SPAST: variants seen among roughly 807,000 people sequenced by gnomAD.
SPAST encodes the protein spastic paraplegia 4 (autosomal dominant; spastin).
SPAST carries 30 observed loss-of-function variants against 76.6 expected under a neutral mutation model. That is an observed-to-expected ratio of 0.39 (90% CI 0.29 to 0.53). The LOEUF is 0.53. SPAST is among the 20% of genes least tolerant of loss of function. The pLI is 0.68. For missense variants in SPAST, 717 were observed against 770.5 expected (o/e 0.93, Z 0.82); for synonymous variants, 305 against 281.0 (o/e 1.09, Z -0.86).
At chr2:32,084,066 C>T (rs996376598) in intron 1 of SPAST, among the ~76,000 whole-genome samples, 2 of 151,610 alleles carry the variant, frequency 1.3e-5, no homozygotes, top group African/African-American at 4.8e-5. Flanking sequence ...AGGCATGACC[C>T]ACCGTGCCCA....
intron 15 of SPAST, among the ~76,000 whole-genome samples, chr2:32,145,840 C>G (rs542534633): frequency 2.6e-4 from 40 of 152,310 alleles, no homozygotes; most frequent in Middle Eastern, 3.4e-3. Flanking sequence ...GGTATGCACT[C>G]AGATTATTAG....
chr2:32,154,580 C>G lies in SPAST; in HGVS notation c.*84C>G. 7.0e-7 allele frequency: 1 copy of G among 1,421,558 alleles called. No homozygotes were observed. Among genetic ancestry groups the G allele is most frequent in the South Asian group, 1.2e-5 (1 of 86,036 alleles). 88.1% of individuals were successfully genotyped at this position (1,421,558 alleles called of 1,614,324 possible). On this transcript the variant is annotated 3_prime_UTR_variant, in exon 17 of 17. Transcript: ENST00000315285. ...CAATGAACGTCATCGGCTACAGAAA[C>G]AGCCTAAGTTTACAGGACTTTTTAG...
At chr2:32,084,292 C>T (rs1266591229) in intron 1 of SPAST, among the ~76,000 whole-genome samples, 3 of 151,744 alleles carry the variant, frequency 2.0e-5, no homozygotes, top group African/African-American at 7.3e-5. Context: ...TCCGGAGTAG[C>T]TGGGACTACA....
At chr2:32,083,766 A>ATTTTTT (rs1573062035) in intron 1 of SPAST, among the ~76,000 whole-genome samples, 15 of 48,436 alleles carry the variant, frequency 3.1e-4, no homozygotes, top group Non-Finnish European at 5.2e-4. Context: ...ATATATATAT[A>ATTTTTT]TATATATATA....
intron 4 of SPAST, among the ~76,000 whole-genome samples, chr2:32,111,450 A>C (rs1007405960): frequency 4.5e-4 from 66 of 147,112 alleles, no homozygotes; most frequent in Non-Finnish European, 8.1e-4. Flanking sequence ...TATACTGTAT[A>C]GTATATAGAG....
intron 10 of SPAST, 83 bp downstream of exon 10, chr2:32,136,721 A>C (rs1679548093): frequency 5.2e-6 from 7 of 1,348,676 alleles, no homozygotes; most frequent in Middle Eastern, 3.8e-4. Context: ...TGGAAACATT[A>C]TTCAGAAGGA....
At chr2:32,083,936 G>A (rs928460385) in intron 1 of SPAST, among the ~76,000 whole-genome samples, 1 of 149,796 alleles carries the variant, frequency 6.7e-6, no homozygotes, top group African/African-American at 2.5e-5. Context: ...ATGCCACCAT[G>A]CCCGGCTAAT....
At chr2:32,142,013 T>A in intron 13 of SPAST, 67 bp downstream of exon 13, 1 of 1,196,220 alleles carries the variant, frequency 8.4e-7, no homozygotes, top group Non-Finnish European at 1.2e-6. Flanking sequence ...TTGACAATAT[T>A]AAGTCTTCCA....
intron 1 of SPAST, among the ~76,000 whole-genome samples, chr2:32,068,860 A>G (rs1676631283): frequency 6.9e-6 from 1 of 145,352 alleles, no homozygotes; most frequent in African/African-American, 2.6e-5. Context: ...CACCCATTGC[A>G]CTCCTGCCTG....
chr2:32,115,010 G>A (rs557796532), intron 5 of SPAST, among the ~76,000 whole-genome samples, 185 bp downstream of exon 5: 28 of 145,568 alleles, frequency 1.9e-4, no homozygotes, highest in African/African-American at 7.1e-4. Context: ...GTGCAATGGC[G>A]CGATCTCGGC....
intron 3 of SPAST, among the ~76,000 whole-genome samples, chr2:32,097,641 C>G (rs1247224867): frequency 1.3e-5 from 2 of 151,038 alleles, no homozygotes; most frequent in African/African-American, 2.4e-5. Context: ...TAGTTTCATT[C>G]TGTGCTACTT....
intron 13 of SPAST, among the ~76,000 whole-genome samples, chr2:32,142,483 C>T (rs1268760429): frequency 6.6e-6 from 1 of 152,050 alleles, no homozygotes; most frequent in Non-Finnish European, 1.5e-5. Context: ...GGCGTGATCT[C>T]GGCTCACTGC....
At chr2:32,150,197 C>A (rs534030009) in intron 16 of SPAST, among the ~76,000 whole-genome samples, 1 of 147,654 alleles carries the variant, frequency 6.8e-6, no homozygotes, top group African/African-American at 2.5e-5. Context: ...CTCAGCCTCC[C>A]GAGTAGCTGG....
chr2:32,084,273 G>T (rs1435057025), intron 1 of SPAST, among the ~76,000 whole-genome samples: 1 of 151,508 alleles, frequency 6.6e-6, no homozygotes, highest in African/African-American at 2.4e-5. Flanking sequence ...CCATTCTCCT[G>T]CCTCAGCCTC....
intron 1 of SPAST, 106 bp downstream of exon 1, chr2:32,064,352 A>C: frequency 9.1e-7 from 1 of 1,096,356 alleles, no homozygotes. Flanking sequence ...GGGACGGTGC[A>C]CCCCCGGAAT....
At chr2:32,113,987 A>T (rs762380898) in intron 4 of SPAST, among the ~76,000 whole-genome samples, 1 of 151,404 alleles carries the variant, frequency 6.6e-6, no homozygotes, top group Non-Finnish European at 1.5e-5. Context: ...CTCTGTCGCC[A>T]GGCTGGAGTG....
intron 1 of SPAST, among the ~76,000 whole-genome samples, chr2:32,079,343 C>G (rs1444563858): frequency 2.0e-5 from 3 of 151,506 alleles, no homozygotes; most frequent in Non-Finnish European, 4.4e-5. Flanking sequence ...TAGTGAGAGA[C>G]CCTGTCTTTA....
chr2:32,113,819 G>A (rs552096114), intron 4 of SPAST, among the ~76,000 whole-genome samples: 2 of 151,882 alleles, frequency 1.3e-5, no homozygotes, highest in East Asian at 2.0e-4. Context: ...CGTCCACCTC[G>A]ATCTCCCAAA....
intron 1 of SPAST, among the ~76,000 whole-genome samples, chr2:32,067,310 C>T (rs1322697799): frequency 6.6e-6 from 1 of 152,140 alleles, no homozygotes; most frequent in Non-Finnish European, 1.5e-5. Flanking sequence ...GAACCGCCCT[C>T]CTTGGCCTCC....
Sources: allele counts gnomAD v4.1 joint callset (sites outside exome capture counted in the v4.1 genomes callset), GRCh38; gene constraint gnomAD v4.1.1; transcripts MANE v1.5; gene names NCBI Gene and HGNC (gene_info 2026-07-23, HGNC 2026-07-21).